TGFBR2: variants seen among roughly 807,000 people sequenced by gnomAD.
The protein encoded by TGFBR2 is TGF-beta receptor type-2.
In TGFBR2, 18 loss-of-function variants were observed where a neutral mutation model predicts 49.0. That is an observed-to-expected ratio of 0.37 (90% CI 0.25 to 0.54). The LOEUF (loss-of-function observed/expected upper bound fraction) is 0.54. Ranked by LOEUF, TGFBR2 falls within the 20% of genes least tolerant of loss-of-function variation. The pLI, the probability that TGFBR2 is intolerant of heterozygous loss-of-function variation, is 0.85. For synonymous variants in TGFBR2, 282 were observed against 275.9 expected (o/e 1.02, Z -0.22); for missense variants, 525 against 722.6 (o/e 0.73, Z 3.13).
Position 30,691,617 on chromosome 3 carries a change from G to T in TGFBR2, c.*18G>T. 6.2e-7 allele frequency: 1 copy of T among 1,613,916 alleles called. No homozygotes were observed. Among genetic ancestry groups the T allele is most frequent in the Non-Finnish European group, 8.5e-7 (1 of 1,179,880 alleles). ...CCAAATAGCTCTTCTGGGGCAGGCTGGGCCATGTCCAAAGAGGCTGCCCCT... is the reference window on the plus strand; with the variant it reads ...CCAAATAGCTCTTCTGGGGCAGGCTTGGCCATGTCCAAAGAGGCTGCCCCT... On this transcript the variant is annotated 3_prime_UTR_variant, in exon 7 of 7. Transcript: ENST00000295754.
Position 30,672,270 on chromosome 3 carries a change from A to G in TGFBR2, c.1087A>G (p.Ser363Gly), listed in dbSNP as rs2125436087. 6.2e-7 allele frequency: 1 copy of G among 1,604,618 alleles called. No individual in the cohort carries two copies. The highest frequency in any genetic ancestry group is 8.5e-7 in the Non-Finnish European group (1 of 1,174,302). Residue 363 changes from serine (S) to glycine (G), a missense_variant, in exon 4 of 7, where the codon AGT (serine) becomes GGT (glycine). By Grantham distance (56) the Ser-to-Gly change is moderately conservative. This residue lies in a region of TGFBR2 where 376 missense variants were observed against 478.2 expected (regional missense o/e 0.79). Coordinates refer to ENST00000295754, the MANE Select transcript of TGFBR2 (RefSeq NM_003242.6). The surrounding 1 kb of genome is among the most constrained non-coding windows in gnomAD (Gnocchi z 4.5). ...CGCCCGGGGGATTGCTCACCTCCAC[A>G]GTGATCACACTCCATGTGGGAGGCC... ...SLARGIAHLH[S>G]DHTPCGRPKM...
rs772076729 is a variant in TGFBR2, at chr3:30,688,393, A to T, written c.1406A>T (p.Asp469Val). 3 of 1,614,190 alleles carry T rather than the reference A, an allele frequency of 1.9e-6. No homozygotes were observed. The Middle Eastern group carries it at 4.9e-4, about 266-fold the overall frequency. ...SRCNAVGEVK[D>V]YEPPFGSKVR... is the part of the protein sequence containing the mutation. Reference sequence around the variant, plus strand: ...CTGGCTTTCTTCACAGAAGTAAAAGATTATGAGCCTCCATTTGGTTCCAAG... The same window carrying T: ...CTGGCTTTCTTCACAGAAGTAAAAGTTTATGAGCCTCCATTTGGTTCCAAG... Residue 469 changes from aspartate to valine, a missense_variant, in exon 6 of 7, where the codon GAT (aspartate) becomes GTT (valine). Physicochemically the swap from Asp to Val is radical, Grantham distance 152. This residue lies in a region of TGFBR2 where 104 missense variants were observed against 133.4 expected (regional missense o/e 0.78). Coordinates refer to ENST00000295754, the MANE Select transcript of TGFBR2 (RefSeq NM_003242.6).
intron 1 of TGFBR2, among the ~76,000 whole-genome samples, chr3:30,623,559 C>G (rs1366870687): frequency 6.6e-6 from 1 of 152,114 alleles, no homozygotes; most frequent in Non-Finnish European, 1.5e-5. Flanking sequence ...TTACTTTTCC[C>G]CTTTTCTTAT....
chr3:30,692,014 TA>T lies in TGFBR2; in HGVS notation c.*416del, dbSNP rs1189989804. The T allele has an allele frequency of 7.7e-5, 17 of 222,156 alleles. No individual in the cohort carries two copies. Among genetic ancestry groups the T allele is most frequent in the African/African-American group, 3.4e-4 (15 of 44,504 alleles). 13.8% of individuals were successfully genotyped at this position (222,156 alleles called of 1,614,324 possible). On this transcript the variant is annotated 3_prime_UTR_variant, in exon 7 of 7. Transcript: ENST00000295754. ...TCAAATATTCCCAGGAAATTGGTTTTATTGGAGAACTCCAGAACCAAGCAGA... is the reference window on the plus strand; with the variant it reads ...TCAAATATTCCCAGGAAATTGGTTTTTTGGAGAACTCCAGAACCAAGCAGA...
At chr3:30,663,020 T>A (rs536378511) in intron 3 of TGFBR2, among the ~76,000 whole-genome samples, 1 of 152,346 alleles carries the variant, frequency 6.6e-6, no homozygotes, top group South Asian at 2.1e-4. Context: ...TCCCAGGGGA[T>A]GCTGATGACT....
At chr3:30,613,210 G>A (rs2125445004) in intron 1 of TGFBR2, among the ~76,000 whole-genome samples, 1 of 143,156 alleles carries the variant, frequency 7.0e-6, no homozygotes. Context: ...CTAAAATATA[G>A]ACCTAGTATA....
At position 30,672,338 on chromosome 3, in the gene TGFBR2, C is replaced by G. The variant is rs1400565122; in HGVS notation, c.1155C>G (p.Ile385Met). 1 of 1,613,602 alleles carries G rather than the reference C, an allele frequency of 6.2e-7. No homozygotes were observed. Among genetic ancestry groups the G allele is most frequent in the South Asian group, 1.1e-5 (1 of 91,008 alleles). Residue 385 changes from isoleucine (I) to methionine (M), a missense_variant, in exon 4 of 7, where the codon ATC becomes ATG. Physicochemically the swap from Ile to Met is conservative, Grantham distance 10 (BLOSUM62 1). This residue lies in a region of TGFBR2 where 45 missense variants were observed against 111.0 expected (regional missense o/e 0.41). Coordinates refer to ENST00000295754, the MANE Select transcript of TGFBR2 (RefSeq NM_003242.6). The surrounding 1 kb of genome is among the most constrained non-coding windows in gnomAD (Gnocchi z 4.5). ...ACAGGGACCTCAAGAGCTCCAATAT[C>G]CTCGTGAAGAACGACCTAACCTGCT... Reference protein sequence around the residue: ...IVHRDLKSSNILVKNDLTCCL... With the variant: ...IVHRDLKSSNMLVKNDLTCCL...
chr3:30,617,091 A>C (rs866083303), intron 1 of TGFBR2, among the ~76,000 whole-genome samples: 3 of 152,184 alleles, frequency 2.0e-5, no homozygotes, highest in Non-Finnish European at 2.9e-5. Flanking sequence ...GGAAAAAAAA[A>C]AAAGGAAACT....
Position 30,607,795 on chromosome 3 carries a change from A to T in TGFBR2, c.94+818A>T, listed in dbSNP as rs1250313684. ...GGTTTTTAAGGAAAAAATAAAAATA[A>T]AAAAATATATATATATATTATATAT... On this transcript the variant is annotated intron_variant, in intron 1 of 6. Transcript: ENST00000295754. 1.7e-3 allele frequency among the ~76,000 whole-genome samples: 225 copies of T among 132,428 alleles called. 1 individual carries two copies. Among genetic ancestry groups the T allele is most frequent in the African/African-American group, 7.1e-3 (216 of 30,530 alleles). 86.9% of individuals were successfully genotyped at this position (132,428 alleles called of 152,430 possible).
intron 1 of TGFBR2, among the ~76,000 whole-genome samples, chr3:30,622,903 AAAAG>A (rs1473574793): frequency 6.0e-5 from 9 of 149,476 alleles, no homozygotes; most frequent in South Asian, 4.2e-4. Flanking sequence ...AAAAAAAAAA[AAAAG>A]AGAAAGGAAA....
intron 3 of TGFBR2, among the ~76,000 whole-genome samples, chr3:30,651,944 A>G (rs141297409): frequency 5.9e-5 from 9 of 152,302 alleles, no homozygotes; most frequent in African/African-American, 2.2e-4. Context: ...CTGGCTCTAC[A>G]CCCTATCTCT....
At chr3:30,623,270 CATAGT>C in intron 1 of TGFBR2, 1 of 1,613,924 alleles carries the variant, frequency 6.2e-7, no homozygotes, top group South Asian at 1.1e-5. Flanking sequence ...TCCACTGAGA[CATAGT>C]AAAGTATCAT....
At chr3:30,638,046 G>A (rs1023375679) in intron 1 of TGFBR2, among the ~76,000 whole-genome samples, 50 of 152,182 alleles carry the variant, frequency 3.3e-4, no homozygotes, top group African/African-American at 1.2e-3. Flanking sequence ...AATATGGTAT[G>A]CATTTTTAAT....
At chr3:30,666,529 G>C (rs1699245979) in intron 3 of TGFBR2, among the ~76,000 whole-genome samples, 1 of 152,090 alleles carries the variant, frequency 6.6e-6, no homozygotes, top group African/African-American at 2.4e-5. Flanking sequence ...ATGTCAGTCG[G>C]TGGATGGCTG....
intron 3 of TGFBR2, among the ~76,000 whole-genome samples, chr3:30,661,073 T>C (rs77890122): frequency 0.013 from 2,012 of 152,258 alleles, 48 homozygotes; most frequent in African/African-American, 0.046. Context: ...CTGAAATAAC[T>C]TAAGAAATGT....
At chr3:30,626,231 GGGTTGAAAACTCCCATCT>G (rs1698328927) in intron 1 of TGFBR2, among the ~76,000 whole-genome samples, 1 of 152,198 alleles carries the variant, frequency 6.6e-6, no homozygotes, top group Non-Finnish European at 1.5e-5. Flanking sequence ...TCCATTTACT[GGGTTGAAAACTCCCATCT>G]GTTGACTTTA....
At chr3:30,628,528 GTTTTTTTTTTTTTT>G (rs569832149) in intron 1 of TGFBR2, among the ~76,000 whole-genome samples, 2 of 80,202 alleles carry the variant, frequency 2.5e-5, no homozygotes, top group South Asian at 4.7e-4. Context: ...AAGCCTGTGG[GTTTTTTTTTTTTTT>G]TTTTTTTTTT....
intron 6 of TGFBR2, among the ~76,000 whole-genome samples, chr3:30,691,028 G>T (rs558209561): frequency 3.1e-4 from 47 of 152,268 alleles, no homozygotes; most frequent in African/African-American, 1.1e-3. Flanking sequence ...ACTCAATTTT[G>T]CTGTGAAGCG....
chr3:30,611,085 A>T (rs557725600), intron 1 of TGFBR2, among the ~76,000 whole-genome samples: 1 of 152,350 alleles, frequency 6.6e-6, no homozygotes, highest in East Asian at 1.9e-4. Flanking sequence ...CTTAGCTGGT[A>T]ACAATACCAA....
Sources: allele counts gnomAD v4.1 joint callset (sites outside exome capture counted in the v4.1 genomes callset), GRCh38; gene constraint gnomAD v4.1.1; regional missense constraint gnomAD v4.1.1; non-coding constraint Gnocchi (gnomAD v3.1); transcripts MANE v1.5; gene names NCBI Gene and HGNC (gene_info 2026-07-23, HGNC 2026-07-21).